The following SEMA3E variants were observed in gnomAD, a reference collection of about 807,000 sequenced individuals.
SEMA3E encodes the protein semaphorin 3E.
In SEMA3E, 49 loss-of-function variants were observed where a neutral mutation model predicts 93.6. The ratio of observed to expected loss-of-function variants is 0.52; its 90% CI spans 0.42 to 0.66. The LOEUF (loss-of-function observed/expected upper bound fraction) is 0.66. Among genes scored for constraint, SEMA3E ranks in the 30% least tolerant of loss-of-function variants. The pLI is 0.00. For missense variants in SEMA3E, 906 were observed against 964.8 expected, an observed-to-expected ratio of 0.94 and a Z score of 0.81; for synonymous variants, 363 against 330.7, an observed-to-expected ratio of 1.10 and a Z score of -1.06.
intron 4 of SEMA3E, among the ~76,000 whole-genome samples, chr7:83,458,262 A>G (rs894565941): frequency 4.6e-5 from 7 of 151,690 alleles, no homozygotes; most frequent in African/African-American, 1.7e-4. Context: ...GAAGTACACC[A>G]AGTTCCAGTT....
At chr7:83,416,308 G>T (rs1470724190) in intron 5 of SEMA3E, among the ~76,000 whole-genome samples, 1 of 152,040 alleles carries the variant, frequency 6.6e-6, no homozygotes, top group Non-Finnish European at 1.5e-5. Context: ...CACCCAGATG[G>T]CAAGCACTTC....
At chr7:83,584,915 C>T (rs934724768) in intron 1 of SEMA3E, among the ~76,000 whole-genome samples, 1 of 152,062 alleles carries the variant, frequency 6.6e-6, no homozygotes, top group Non-Finnish European at 1.5e-5. Flanking sequence ...ATATTGTTTC[C>T]CTGTTTACAT....
At chr7:83,589,392 T>TA (rs2115939236) in intron 1 of SEMA3E, among the ~76,000 whole-genome samples, 1 of 152,262 alleles carries the variant, frequency 6.6e-6, no homozygotes, top group African/African-American at 2.4e-5. Flanking sequence ...CTGAGAGACT[T>TA]AAAGATTTGA....
At chr7:83,584,693 T>C (rs1242216567) in intron 1 of SEMA3E, among the ~76,000 whole-genome samples, 2 of 152,132 alleles carry the variant, frequency 1.3e-5, no homozygotes, top group Non-Finnish European at 2.9e-5. Context: ...GCAGTTCCTG[T>C]AATATTGACA....
At chr7:83,572,467 C>T (rs535224507) in intron 1 of SEMA3E, among the ~76,000 whole-genome samples, 2 of 151,966 alleles carry the variant, frequency 1.3e-5, no homozygotes, top group East Asian at 1.9e-4. Context: ...GGTGAAACCC[C>T]GTCTCTACTA....
chr7:83,641,463 T>C, intron 1 of SEMA3E: 1 of 744,174 alleles, frequency 1.3e-6, no homozygotes, highest in African/African-American at 1.9e-5. Flanking sequence ...GCCTTAGTAA[T>C]ATTAGTTCTA....
intron 14 of SEMA3E, 47 bp downstream of exon 14, chr7:83,392,508 G>C (rs200404178): frequency 7.1e-6 from 11 of 1,548,144 alleles, no homozygotes; most frequent in Non-Finnish European, 9.8e-6. Flanking sequence ...AAAAGCATTA[G>C]GGTTTTCCTA....
At chr7:83,514,953 A>T (rs2115662481) in intron 1 of SEMA3E, among the ~76,000 whole-genome samples, 1 of 152,350 alleles carries the variant, frequency 6.6e-6, no homozygotes, top group South Asian at 2.1e-4. Context: ...TTACATGTAT[A>T]TACACAGAAA....
chr7:83,573,671 A>C (rs1562838643), intron 1 of SEMA3E, among the ~76,000 whole-genome samples: 1 of 152,032 alleles, frequency 6.6e-6, no homozygotes, highest in Non-Finnish European at 1.5e-5. Context: ...AGATTACTTA[A>C]TATCTATTGT....
In SEMA3E at chr7:83,479,047, G is replaced by A. The variant is rs551048166; in HGVS notation, c.277-9745C>T. On this transcript the variant is annotated intron_variant, in intron 2 of 16. Transcript: ENST00000643230. Reference sequence around the variant, plus strand: ...ACTCCTGCATTGCCTAGAAGATTCCGTTTCAACAGCATTGCAGTCAGTATT... The same window carrying A: ...ACTCCTGCATTGCCTAGAAGATTCCATTTCAACAGCATTGCAGTCAGTATT... Among the ~76,000 whole-genome samples the A allele has an allele frequency of 3.9e-5, 6 of 152,250 alleles. No individual in the cohort carries two copies. In the East Asian group the frequency reaches 5.8e-4, roughly 15 times the overall value.
chr7:83,428,180 T>C (rs1473318993), intron 4 of SEMA3E, among the ~76,000 whole-genome samples: 2 of 152,320 alleles, frequency 1.3e-5, no homozygotes, highest in African/African-American at 4.8e-5. Flanking sequence ...TTTCGACAGG[T>C]GTGAGTCATT....
At chr7:83,495,370 T>C (rs1025622442) in intron 1 of SEMA3E, among the ~76,000 whole-genome samples, 1 of 151,914 alleles carries the variant, frequency 6.6e-6, no homozygotes, top group African/African-American at 2.4e-5. Flanking sequence ...AGAATGCTTC[T>C]ATTTCCAATC....
At chr7:83,553,369 C>G (rs778209957) in intron 1 of SEMA3E, among the ~76,000 whole-genome samples, 4 of 152,150 alleles carry the variant, frequency 2.6e-5, no homozygotes, top group Non-Finnish European at 5.9e-5. Context: ...TCTATGCACC[C>G]ACACATAACT....
rs560983031 is a variant in SEMA3E, at chr7:83,385,335, T to C, written c.1834A>G (p.Ile612Val). The C allele has an allele frequency of 3.1e-6, 5 of 1,613,532 alleles. No homozygotes were observed. The highest frequency in any genetic ancestry group is 3.4e-6 in the Non-Finnish European group (4 of 1,179,596). Residue 612 changes from isoleucine to valine, a missense_variant, in exon 16 of 17, where the codon ATC becomes GTC. Transcript: ENST00000643230. Reference protein sequence around the residue: ...CTPRSLQAKVIWFVQKGRETR... With the variant: ...CTPRSLQAKVVWFVQKGRETR... ...TCACGTCCTTTCTGTACAAACCAGATAACTTTCGCTTGTAAAGATCGTGGG... is the reference window on the plus strand; with the variant it reads ...TCACGTCCTTTCTGTACAAACCAGACAACTTTCGCTTGTAAAGATCGTGGG...
At chr7:83,557,556 A>G (rs1046450653) in intron 1 of SEMA3E, among the ~76,000 whole-genome samples, 2 of 152,090 alleles carry the variant, frequency 1.3e-5, no homozygotes, top group Non-Finnish European at 2.9e-5. Context: ...TTAAACTAAT[A>G]TTAGTTATTT....
At chr7:83,466,409 C>G in intron 4 of SEMA3E, 73 bp downstream of exon 4, 1 of 1,541,386 alleles carries the variant, frequency 6.5e-7, no homozygotes, top group African/African-American at 1.4e-5. Flanking sequence ...GGAAGAAATG[C>G]TGTAGTCTTT....
chr7:83,477,211 TAA>T (rs1352184365), intron 2 of SEMA3E, among the ~76,000 whole-genome samples: 2 of 152,134 alleles, frequency 1.3e-5, no homozygotes, highest in Non-Finnish European at 2.9e-5. Context: ...TCAGTTAATA[TAA>T]GTCTATCTTC....
At chr7:83,447,579 TAGA>T (rs747350719) in intron 4 of SEMA3E, among the ~76,000 whole-genome samples, 2 of 152,140 alleles carry the variant, frequency 1.3e-5, no homozygotes, top group Non-Finnish European at 2.9e-5. Context: ...TTTTTCATCT[TAGA>T]AGAAGGAAGG....
intron 1 of SEMA3E, among the ~76,000 whole-genome samples, chr7:83,495,156 C>CATGTTTAGATGTTCATG (rs1790464642): frequency 6.6e-6 from 1 of 151,738 alleles, no homozygotes; most frequent in Non-Finnish European, 1.5e-5. Context: ...ATTATATAAT[C>CATGTTTAGATGTTCATG]ATGTTTAGAT....
Sources: allele counts gnomAD v4.1 joint callset (sites outside exome capture counted in the v4.1 genomes callset), GRCh38; gene constraint gnomAD v4.1.1; transcripts MANE v1.5; gene names NCBI Gene and HGNC (gene_info 2026-07-23, HGNC 2026-07-21).